DCPH1: variants seen among roughly 807,000 people sequenced by gnomAD.
The protein encoded by DCPH1 is damage control phosphatase 1.
At chr6:151,453,486 A>G in the DCPH1 span, among the ~76,000 whole-genome samples, 1 of 152,232 alleles carries the variant, frequency 6.6e-6, no homozygotes, top group African/African-American at 2.4e-5. Flanking sequence ...TAAAAATTAA[A>G]TTCTGATCAA....
the DCPH1 span, among the ~76,000 whole-genome samples, chr6:151,453,129 A>G: frequency 2.0e-5 from 3 of 152,236 alleles, no homozygotes; most frequent in Admixed American, 6.5e-5. Flanking sequence ...AAAAGACGAG[A>G]ACACTTTGAA....
At chr6:151,455,806 C>T in the DCPH1 span, among the ~76,000 whole-genome samples, 6 of 152,362 alleles carry the variant, frequency 3.9e-5, no homozygotes, top group South Asian at 1.0e-3. Flanking sequence ...TCCCACGAGG[C>T]CATATTTCAG....
chr6:151,463,047 C>T, the DCPH1 span, among the ~76,000 whole-genome samples: 6 of 152,142 alleles, frequency 3.9e-5, no homozygotes, highest in Non-Finnish European at 8.8e-5. Flanking sequence ...CTTTATTCAG[C>T]GGACACCGAA....
chr6:151,460,388 C>T, the DCPH1 span, among the ~76,000 whole-genome samples: 2 of 151,604 alleles, frequency 1.3e-5, no homozygotes, highest in African/African-American at 2.4e-5. Flanking sequence ...CAGGCATGAG[C>T]CACCACGCCC....
chr6:151,460,388 C>A, the DCPH1 span, among the ~76,000 whole-genome samples: 1 of 151,604 alleles, frequency 6.6e-6, no homozygotes, highest in Non-Finnish European at 1.5e-5. Flanking sequence ...CAGGCATGAG[C>A]CACCACGCCC....
chr6:151,470,085 A>G, the DCPH1 span: 1 of 152,244 alleles, frequency 6.6e-6, no homozygotes, highest in Non-Finnish European at 1.5e-5. Flanking sequence ...AAATAATAAA[A>G]TGAATTGTAC....
Sources: allele counts gnomAD v4.1 joint callset (sites outside exome capture counted in the v4.1 genomes callset), GRCh38; gene constraint gnomAD v4.1.1; transcripts MANE v1.5; gene names NCBI Gene and HGNC (gene_info 2026-07-23, HGNC 2026-07-21).